The following SOCS5 variants were observed in gnomAD, a reference collection of about 807,000 sequenced individuals.
SOCS5 encodes the protein CIS-6.
A neutral mutation model predicts 42.8 loss-of-function variants in SOCS5; 32 were observed. That is an observed-to-expected ratio of 0.75 (90% confidence interval 0.56 to 1.01). The LOEUF is 1.01. Ranked by LOEUF, SOCS5 falls within the 50% of genes least tolerant of loss-of-function variation. The pLI, the probability that SOCS5 is intolerant of heterozygous loss-of-function variation, is 0.00. For synonymous variants in SOCS5, 283 were observed against 229.6 expected, an observed-to-expected ratio of 1.23 and a Z score of -2.10; for missense variants, 627 against 653.0, an observed-to-expected ratio of 0.96 and a Z score of 0.43.
At position 46,761,501 on chromosome 2, in the gene SOCS5, C is replaced by G. The variant is rs1418718301; in HGVS notation, c.*1360C>G. 1.2e-5 allele frequency: 2 copies of G among 167,052 alleles called. No individual in the cohort carries two copies. The highest frequency in any genetic ancestry group is 2.4e-5 in the African/African-American group (1 of 41,464). The allele number at this position is 167,052 out of a possible 1,614,324, so 10.3% of individuals were successfully genotyped here. ...TTGCCAAGGCTACAAAAAAGGAAAG[C>G]TATATTTGTATGCAACACTAACCTT... On this transcript the variant is annotated 3_prime_UTR_variant, in exon 2 of 2. Transcript: ENST00000394861.
In SOCS5 at chr2:46,759,331, A is replaced by G. The variant is rs1673805968; in HGVS notation, c.801A>G (p.Arg267=). 2 of 1,613,824 alleles carry G rather than the reference A, an allele frequency of 1.2e-6. No individual in the cohort carries two copies. Among genetic ancestry groups the G allele is most frequent in the Admixed American group, 1.7e-5 (1 of 59,994 alleles). ...TEDEEDRLRE[R]RRLSIEEGVD... ...ATGAAGAAGATAGGCTTAGAGAGAGAAGGCGGCTTAGTATTGAAGAAGGGG... is the reference window on the plus strand; with the variant it reads ...ATGAAGAAGATAGGCTTAGAGAGAGGAGGCGGCTTAGTATTGAAGAAGGGG... Residue 267 remains arginine (R), a synonymous_variant, in exon 2 of 2, where the codon AGA becomes AGG. Transcript: ENST00000394861.
At chr2:46,744,753 C>T (rs1022905741) in intron 1 of SOCS5, among the ~76,000 whole-genome samples, 1 of 151,782 alleles carries the variant, frequency 6.6e-6, no homozygotes, top group Non-Finnish European at 1.5e-5. Context: ...GTTTCAAACT[C>T]CTGACCTCCG....
At chr2:46,742,931 T>C (rs1436672727) in intron 1 of SOCS5, among the ~76,000 whole-genome samples, 3 of 152,198 alleles carry the variant, frequency 2.0e-5, no homozygotes, top group African/African-American at 7.2e-5. Flanking sequence ...CCCAAAGTGC[T>C]GGGATTACAG....
intron 1 of SOCS5, among the ~76,000 whole-genome samples, chr2:46,708,325 A>G (rs1672540935): frequency 1.3e-5 from 2 of 152,188 alleles, no homozygotes; most frequent in African/African-American, 4.8e-5. Context: ...TGGCTTGGCA[A>G]TAGAATAATA....
chr2:46,706,292 TAG>T (rs1362655312), intron 1 of SOCS5, among the ~76,000 whole-genome samples: 1 of 152,182 alleles, frequency 6.6e-6, no homozygotes, highest in Admixed American at 6.5e-5. Flanking sequence ...CCATGTGTGG[TAG>T]AGTTGGGACT....
At chr2:46,741,329 T>C (rs1243881255) in intron 1 of SOCS5, among the ~76,000 whole-genome samples, 1 of 152,098 alleles carries the variant, frequency 6.6e-6, no homozygotes, top group Non-Finnish European at 1.5e-5. Flanking sequence ...AACCTCCACC[T>C]CCCAGGTTCA....
At chr2:46,709,087 G>A (rs564474668) in intron 1 of SOCS5, among the ~76,000 whole-genome samples, 3 of 151,844 alleles carry the variant, frequency 2.0e-5, no homozygotes, top group Admixed American at 6.6e-5. Flanking sequence ...AGGTTTCACC[G>A]TGTTGGCCAG....
At chr2:46,713,480 A>G (rs1010427087) in intron 1 of SOCS5, among the ~76,000 whole-genome samples, 1 of 152,136 alleles carries the variant, frequency 6.6e-6, no homozygotes, top group Non-Finnish European at 1.5e-5. Context: ...ATGAAACAAT[A>G]TTTCCTTTTT....
intron 1 of SOCS5, among the ~76,000 whole-genome samples, chr2:46,739,518 A>G (rs974012280): frequency 7.9e-5 from 12 of 152,198 alleles, no homozygotes; most frequent in East Asian, 3.8e-4. Flanking sequence ...GAATAAATAC[A>G]TTATAAAGAT....
intron 1 of SOCS5, among the ~76,000 whole-genome samples, chr2:46,734,700 C>T (rs1018811489): frequency 6.6e-6 from 1 of 152,092 alleles, no homozygotes; most frequent in African/African-American, 2.4e-5. Flanking sequence ...CCCCTGTCCT[C>T]ATCATACCCA....
At chr2:46,733,026 GC>G (rs1673159468) in intron 1 of SOCS5, among the ~76,000 whole-genome samples, 1 of 151,692 alleles carries the variant, frequency 6.6e-6, no homozygotes, top group African/African-American at 2.4e-5. Context: ...GTATCCACTG[GC>G]AAATAATTAC....
intron 1 of SOCS5, among the ~76,000 whole-genome samples, chr2:46,707,627 A>G (rs1162832849): frequency 6.6e-6 from 1 of 152,164 alleles, no homozygotes; most frequent in Admixed American, 6.5e-5. Flanking sequence ...AGGAGTTTGG[A>G]TTTTTATTTA....
At chr2:46,712,306 C>CTT (rs113022507) in intron 1 of SOCS5, among the ~76,000 whole-genome samples, 18 of 108,344 alleles carry the variant, frequency 1.7e-4, no homozygotes, top group South Asian at 2.7e-4. Context: ...TTGCTTAGAG[C>CTT]TTTTTTTTTT....
At chr2:46,738,007 A>C (rs1447116898) in intron 1 of SOCS5, among the ~76,000 whole-genome samples, 1 of 152,210 alleles carries the variant, frequency 6.6e-6, no homozygotes, top group African/African-American at 2.4e-5. Context: ...AGGTGAGAAC[A>C]AATTGTGGTG....
chr2:46,726,282 G>A (rs976139155), intron 1 of SOCS5, among the ~76,000 whole-genome samples: 4 of 151,960 alleles, frequency 2.6e-5, no homozygotes, highest in African/African-American at 7.3e-5. Context: ...ATTTTTAGTA[G>A]AGACGTGGTT....
chr2:46,730,581 C>G (rs965634634), intron 1 of SOCS5, among the ~76,000 whole-genome samples: 1 of 152,166 alleles, frequency 6.6e-6, no homozygotes, highest in African/African-American at 2.4e-5. Context: ...GCCTGGGCGA[C>G]AGAGTGAGAC....
At chr2:46,754,789 C>T (rs553130653) in intron 1 of SOCS5, among the ~76,000 whole-genome samples, 34 of 152,156 alleles carry the variant, frequency 2.2e-4, no homozygotes, top group South Asian at 8.3e-4. Flanking sequence ...CACAATATGA[C>T]GTGTAAATAA....
intron 1 of SOCS5, among the ~76,000 whole-genome samples, chr2:46,710,007 C>G (rs1371747404): frequency 6.6e-6 from 1 of 152,098 alleles, no homozygotes; most frequent in Non-Finnish European, 1.5e-5. Context: ...AATTCTGGTT[C>G]AGTAAAAGTT....
At chr2:46,722,078 C>G (rs1229521236) in intron 1 of SOCS5, among the ~76,000 whole-genome samples, 1 of 151,672 alleles carries the variant, frequency 6.6e-6, no homozygotes, top group Non-Finnish European at 1.5e-5. Flanking sequence ...TGTATATACT[C>G]TGTTTGCTTT....
Sources: allele counts gnomAD v4.1 joint callset (sites outside exome capture counted in the v4.1 genomes callset), GRCh38; gene constraint gnomAD v4.1.1; transcripts MANE v1.5; gene names NCBI Gene and HGNC (gene_info 2026-07-23, HGNC 2026-07-21).